Variants in MGAT4C observed in about 807,000 individuals in gnomAD.
MGAT4C encodes MGAT4 family member C, also known as alpha-1,3-mannosyl-glycoprotein 4-beta-N-acetylglucosaminyltransferase C.
Under a neutral mutation model 40.1 loss-of-function variants are expected in MGAT4C, and 19 were observed. The observed-to-expected ratio is 0.47, with a 90% CI of 0.33 to 0.70. The LOEUF (loss-of-function observed/expected upper bound fraction) is 0.70, where lower values mean the gene tolerates loss of function less well. Ranked by LOEUF, MGAT4C falls within the 30% of genes least tolerant of loss-of-function variation. The probability of loss-of-function intolerance (pLI) is 0.02; values close to 1 mark genes in which losing one functional copy is unlikely to be tolerated. For synonymous variants in MGAT4C, 181 were observed against 187.1 expected (o/e 0.97, Z 0.27); for missense variants, 491 against 563.2 (o/e 0.87, Z 1.30).
intron 3 of MGAT4C, among the ~76,000 whole-genome samples, chr12:86,403,968 G>A (rs1249116452): frequency 6.6e-6 from 1 of 152,166 alleles, no homozygotes; most frequent in Non-Finnish European, 1.5e-5. Context: ...CTTGGATTGT[G>A]TATATGTGAT....
At chr12:86,675,878 T>C (rs1016036649) in intron 2 of MGAT4C, among the ~76,000 whole-genome samples, 1 of 152,138 alleles carries the variant, frequency 6.6e-6, no homozygotes, top group Non-Finnish European at 1.5e-5. Context: ...CAATAGACTA[T>C]TTTAAAATAT....
At chr12:86,695,588 T>C (rs547874197) in intron 2 of MGAT4C, among the ~76,000 whole-genome samples, 3 of 152,302 alleles carry the variant, frequency 2.0e-5, no homozygotes, top group Non-Finnish European at 4.4e-5. Context: ...TATTCATCCA[T>C]AAGAAAGAAT....
At chr12:86,814,704 G>T (rs952071055) in intron 1 of MGAT4C, among the ~76,000 whole-genome samples, 1 of 151,912 alleles carries the variant, frequency 6.6e-6, no homozygotes, top group African/African-American at 2.4e-5. Context: ...CTTTTGGGAA[G>T]TGATTAAGTA....
At chr12:86,487,970 A>T (rs1385730888) in intron 2 of MGAT4C, among the ~76,000 whole-genome samples, 2 of 152,220 alleles carry the variant, frequency 1.3e-5, no homozygotes, top group African/African-American at 4.8e-5. Context: ...ATCATTTAGG[A>T]ATAAAACCAG....
chr12:86,253,693 A>G (rs1952399058), intron 1 of MGAT4C, among the ~76,000 whole-genome samples: 1 of 151,940 alleles, frequency 6.6e-6, no homozygotes, highest in African/African-American at 2.4e-5. Flanking sequence ...TAGTTACTAT[A>G]TTTTTTGGCT....
chr12:86,759,854 T>C (rs1951370794), intron 1 of MGAT4C, among the ~76,000 whole-genome samples: 3 of 152,066 alleles, frequency 2.0e-5, no homozygotes, highest in Admixed American at 2.0e-4. Flanking sequence ...CTTTTCTCTG[T>C]TGATTATTTC....
intron 1 of MGAT4C, among the ~76,000 whole-genome samples, chr12:86,821,361 T>C (rs1952703362): frequency 6.6e-6 from 1 of 150,864 alleles, no homozygotes; most frequent in African/African-American, 2.4e-5. Context: ...TTAATCTTTT[T>C]AAATTTTTAT....
intron 2 of MGAT4C, among the ~76,000 whole-genome samples, chr12:86,574,676 T>C (rs376691313): frequency 6.6e-6 from 1 of 151,830 alleles, no homozygotes; most frequent in African/African-American, 2.4e-5. Flanking sequence ...TGCTGCTTAC[T>C]TGATTAAAAA....
intron 3 of MGAT4C, among the ~76,000 whole-genome samples, chr12:86,378,170 G>A (rs1955865505): frequency 6.6e-6 from 1 of 152,092 alleles, no homozygotes. Context: ...GAAAATGGGT[G>A]TACAAATGGC....
chr12:86,437,274 C>T (rs911320148), intron 2 of MGAT4C, among the ~76,000 whole-genome samples: 1 of 151,598 alleles, frequency 6.6e-6, no homozygotes, highest in Non-Finnish European at 1.5e-5. Context: ...TTCCAATGTA[C>T]ACAATTTGTA....
chr12:86,314,577 C>T (rs1018172079), intron 4 of MGAT4C, among the ~76,000 whole-genome samples: 7 of 152,292 alleles, frequency 4.6e-5, no homozygotes, highest in East Asian at 3.9e-4. Flanking sequence ...TTAGAAATGA[C>T]GAAGGACTTC....
chr12:86,706,831 C>A (rs1176388438), intron 2 of MGAT4C, among the ~76,000 whole-genome samples: 2 of 152,260 alleles, frequency 1.3e-5, no homozygotes, highest in South Asian at 4.1e-4. Flanking sequence ...CAAATCTCAT[C>A]TTGAATTCCC....
intron 1 of MGAT4C, among the ~76,000 whole-genome samples, chr12:86,734,235 G>A (rs1399402963): frequency 6.6e-6 from 1 of 152,084 alleles, no homozygotes; most frequent in African/African-American, 2.4e-5. Flanking sequence ...GCTAACAAGA[G>A]ATATTAGGTC....
Position 86,613,502 on chromosome 12 carries a change from T to C in MGAT4C, c.-229+113707A>G, listed in dbSNP as rs551962035. The stretch of plus-strand genomic sequence containing the variant: ...ATGTCAGAATTGGCAAAATATCCAC[T>C]TTCTACAAGCAAGAGGAAGTCATAT... On this transcript the variant is annotated intron_variant, in intron 2 of 7. Coordinates refer to the MGAT4C transcript ENST00000548651. 3.9e-5 allele frequency among the ~76,000 whole-genome samples: 6 copies of C among 152,292 alleles called. No individual in the cohort carries two copies. In the South Asian group the frequency reaches 1.2e-3, roughly 32 times the overall value.
intron 1 of MGAT4C, among the ~76,000 whole-genome samples, chr12:86,189,197 G>A (rs897798432): frequency 1.5e-4 from 22 of 151,720 alleles, no homozygotes; most frequent in African/African-American, 4.4e-4. Context: ...TTCCTGCATC[G>A]CTTTTCAACG....
At chr12:86,388,722 C>A (rs942609945) in intron 3 of MGAT4C, among the ~76,000 whole-genome samples, 1 of 138,688 alleles carries the variant, frequency 7.2e-6, no homozygotes, top group African/African-American at 2.9e-5. Context: ...GCTCTTGTTG[C>A]CCAGGCTGGA....
chr12:86,021,055 T>A (rs1003978238), intron 2 of MGAT4C, among the ~76,000 whole-genome samples: 2 of 152,036 alleles, frequency 1.3e-5, no homozygotes, highest in African/African-American at 4.8e-5. Flanking sequence ...CTCACACCAG[T>A]TAGAATGGCA....
At chr12:86,658,603 T>C (rs1196503305) in intron 2 of MGAT4C, among the ~76,000 whole-genome samples, 1 of 152,128 alleles carries the variant, frequency 6.6e-6, no homozygotes, top group Non-Finnish European at 1.5e-5. Flanking sequence ...AAAGTAGTCA[T>C]TAGGTGCCTA....
chr12:86,526,887 T>C (rs1323858548), intron 2 of MGAT4C, among the ~76,000 whole-genome samples: 1 of 152,208 alleles, frequency 6.6e-6, no homozygotes, highest in Non-Finnish European at 1.5e-5. Flanking sequence ...GCTGGAATTC[T>C]AGAGGCCTGT....
Sources: allele counts gnomAD v4.1 joint callset (sites outside exome capture counted in the v4.1 genomes callset), GRCh38; gene constraint gnomAD v4.1.1; transcripts MANE v1.5; gene names NCBI Gene and HGNC (gene_info 2026-07-23, HGNC 2026-07-21).